Variants in MILR1 observed in about 807,000 individuals in gnomAD.
MILR1 encodes allergin-1.
In MILR1, 31 loss-of-function variants were observed where a neutral mutation model predicts 18.5. The observed-to-expected ratio is 1.68, with a 90% CI of 1.26 to 2.26. The LOEUF is 2.26. Among genes scored for constraint, MILR1 ranks in the 30% most tolerant of loss-of-function variants. The pLI, the probability that MILR1 is intolerant of heterozygous loss-of-function variation, is 0.00. For missense variants in MILR1, 257 were observed against 157.4 expected, an observed-to-expected ratio of 1.63 and a Z score of -3.38; for synonymous variants, 85 against 56.2, an observed-to-expected ratio of 1.51 and a Z score of -2.30.
chr17:64,455,752 C>T (rs2037283226), intron 3 of MILR1, among the ~76,000 whole-genome samples: 1 of 150,374 alleles, frequency 6.7e-6, no homozygotes, highest in African/African-American at 2.4e-5. Flanking sequence ...TTAAAGAGAA[C>T]ACAGGGCCGG....
At chr17:64,480,155 G>A in the MILR1 span, 1 of 261,926 alleles carries the variant, frequency 3.8e-6, no homozygotes, top group African/African-American at 2.3e-5. Flanking sequence ...ACATAGTTCT[G>A]TAAAAGGGAA....
intron 2 of MILR1, among the ~76,000 whole-genome samples, chr17:64,451,546 T>C (rs2037170270): frequency 6.6e-6 from 1 of 152,136 alleles, no homozygotes; most frequent in African/African-American, 2.4e-5. Flanking sequence ...ATCTTTTTCA[T>C]GTTTACTGGC....
chr17:64,492,911 G>A, the MILR1 span: 9 of 1,613,758 alleles, frequency 5.6e-6, no homozygotes, highest in Middle Eastern at 3.3e-4. Flanking sequence ...ACACCATTTC[G>A]TATCTGCTTA....
In MILR1 at chr17:64,463,942, G is replaced by A. The variant is rs2037488278; in HGVS notation, c.764-1510G>A. On this transcript the variant is annotated intron_variant, in intron 5 of 9. Transcript: ENST00000619286. Reference sequence around the variant, plus strand: ...AGGTTCAAGCGTTTCTCCTGCCTCAGCATCCTGAGTAGCTGGGATTACAGG... The same window carrying A: ...AGGTTCAAGCGTTTCTCCTGCCTCAACATCCTGAGTAGCTGGGATTACAGG... 2.0e-5 allele frequency among the ~76,000 whole-genome samples: 3 copies of A among 150,156 alleles called. No homozygotes were observed. In the South Asian group the frequency reaches 6.3e-4, roughly 32 times the overall value.
chr17:64,467,430 T>C, intron 8 of MILR1, 135 bp from the exon 9 acceptor site: 1 of 593,864 alleles, frequency 1.7e-6, no homozygotes. Context: ...AAGAATAAAT[T>C]ATTTAACACA....
the MILR1 span, among the ~76,000 whole-genome samples, chr17:64,495,341 G>T: frequency 5.9e-5 from 9 of 152,020 alleles, no homozygotes; most frequent in Non-Finnish European, 8.8e-5. Context: ...GCACTTTGGG[G>T]GGCCAAGATG....
At chr17:64,463,216 T>C (rs1377686525) in intron 5 of MILR1, among the ~76,000 whole-genome samples, 1 of 150,916 alleles carries the variant, frequency 6.6e-6, no homozygotes, top group Non-Finnish European at 1.5e-5. Flanking sequence ...CTGTGTTGCC[T>C]AGGCTGGTCT....
At chr17:64,463,440 G>A (rs1366757051) in intron 5 of MILR1, among the ~76,000 whole-genome samples, 12 of 152,220 alleles carry the variant, frequency 7.9e-5, no homozygotes, top group African/African-American at 2.6e-4. Context: ...CTCAGCACTG[G>A]CCCCCATCAG....
rs782159845 is a variant in MILR1, at chr17:64,466,501, G to T, written c.910+3G>T. 2 of 1,613,734 alleles carry T rather than the reference G, an allele frequency of 1.2e-6. No homozygotes were observed. Among genetic ancestry groups the T allele is most frequent in the Non-Finnish European group, 1.7e-6 (2 of 1,179,758 alleles). On this transcript the variant is annotated splice_donor_region_variant and intron_variant, in intron 7 of 9. Coordinates refer to ENST00000619286, the MANE Select transcript of MILR1 (RefSeq NM_001085423.2). ...GTGTGTTTCCACAGCCCAAGATGGT[G>T]AGCATGTTCTGCAGAGTCTATTCCA...
At chr17:64,476,841 AAAAT>A in the MILR1 span, among the ~76,000 whole-genome samples, 1 of 149,692 alleles carries the variant, frequency 6.7e-6, no homozygotes, top group African/African-American at 2.5e-5. Flanking sequence ...AATTAAAATT[AAAAT>A]AAAAAAAAAA....
At chr17:64,490,684 A>T in the MILR1 span, 1 of 807,868 alleles carries the variant, frequency 1.2e-6, no homozygotes, top group African/African-American at 1.7e-5. Context: ...GCATCTGAAA[A>T]ATACACAATG....
the MILR1 span, chr17:64,492,522 T>C: frequency 3.2e-6 from 2 of 629,056 alleles, no homozygotes; most frequent in Non-Finnish European, 5.6e-6. Flanking sequence ...ACAATGAAAA[T>C]TGTTACAAAG....
chr17:64,452,043 A>ATCTG (rs2144002958), intron 2 of MILR1, among the ~76,000 whole-genome samples: 1 of 150,996 alleles, frequency 6.6e-6, no homozygotes, highest in East Asian at 1.9e-4. Flanking sequence ...AAGAGTCTAA[A>ATCTG]TCTGTCTTCC....
At chr17:64,449,946 C>CTTTCTT (rs118198823) in intron 2 of MILR1, among the ~76,000 whole-genome samples, 6 of 144,888 alleles carry the variant, frequency 4.1e-5, no homozygotes, top group Admixed American at 1.4e-4. Flanking sequence ...TTCTTTCTTT[C>CTTTCTT]TTTTTTTTTT....
chr17:64,455,013 A>AG, intron 3 of MILR1, among the ~76,000 whole-genome samples: 1 of 152,220 alleles, frequency 6.6e-6, no homozygotes, highest in Admixed American at 6.5e-5. Context: ...GAAAAAAAAA[A>AG]TCCCAATGAT....
chr17:64,491,538 C>A, the MILR1 span: 2 of 1,546,380 alleles, frequency 1.3e-6, no homozygotes, highest in Non-Finnish European at 1.8e-6. Flanking sequence ...GTCAGTTGTA[C>A]CAGTGAAGGA....
intron 4 of MILR1, among the ~76,000 whole-genome samples, chr17:64,459,714 G>A (rs2037380484): frequency 6.6e-6 from 1 of 152,154 alleles, no homozygotes; most frequent in South Asian, 2.1e-4. Context: ...TGATGCCAAT[G>A]GGATAAATAA....
chr17:64,453,615 TCCTTAGTGTCAGGGGCC>T (rs2037225397), intron 3 of MILR1, among the ~76,000 whole-genome samples: 1 of 148,920 alleles, frequency 6.7e-6, no homozygotes, highest in South Asian at 2.2e-4. Context: ...TCCCACCGCT[TCCTTAGTGTCAGGGGCC>T]CCATCCGCTA....
At chr17:64,482,124 A>G in the MILR1 span, among the ~76,000 whole-genome samples, 4 of 125,834 alleles carry the variant, frequency 3.2e-5, no homozygotes, top group Admixed American at 2.5e-4. Context: ...TTTTTTCTGA[A>G]GCAGGGTCTT....
Sources: allele counts gnomAD v4.1 joint callset (sites outside exome capture counted in the v4.1 genomes callset), GRCh38; gene constraint gnomAD v4.1.1; transcripts MANE v1.5; gene names NCBI Gene and HGNC (gene_info 2026-07-23, HGNC 2026-07-21).